TTN: variants seen among roughly 807,000 people sequenced by gnomAD.
TTN encodes the protein titin.
In TTN, 1,525 loss-of-function variants were observed where a neutral mutation model predicts 3,223.0. That is an observed-to-expected ratio of 0.47 (90% confidence interval 0.45 to 0.49). The LOEUF is 0.49. Ranked by LOEUF, TTN falls within the 20% of genes least tolerant of loss-of-function variation. The pLI is 0.00. For missense variants in TTN, 40,786 were observed against 43,424.0 expected, an observed-to-expected ratio of 0.94 and a Z score of 5.40; for synonymous variants, 14,094 against 15,161.0, an observed-to-expected ratio of 0.93 and a Z score of 5.17.
rs998020901 is a variant in TTN, at chr2:178,591,420, A to G, written c.60305T>C (p.Ile20102Thr). ...TGCAGTAGGAACAGGCACACCTCTTATAATAGCAGGGAATCTGACTGTGGT... is the reference window on the plus strand; with the variant it reads ...TGCAGTAGGAACAGGCACACCTCTTGTAATAGCAGGGAATCTGACTGTGGT... The part of the protein sequence containing the change: ...AGTTVRFPAI[I>T]RGVPVPTAKW... Residue 20102 changes from isoleucine to threonine, a missense_variant, in exon 304 of 363, where the codon ATA becomes ACA. By Grantham distance (89) the Ile-to-Thr change is moderately conservative (BLOSUM62 -1). Coordinates refer to ENST00000589042, the MANE Select transcript of TTN (RefSeq NM_001267550.2). 1 of 1,608,580 alleles carries G rather than the reference A, an allele frequency of 6.2e-7. No individual in the cohort carries two copies. The highest frequency in any genetic ancestry group is 8.5e-7 in the Non-Finnish European group (1 of 1,177,462).
chr2:178,570,604 A>G lies in TTN; in HGVS notation c.75528T>C (p.Arg25176=). The change falls in exon 326 of 363, where the codon CGT becomes CGC. Residue 25176 remains arginine, a synonymous_variant. Coordinates refer to ENST00000589042, the MANE Select transcript of TTN (RefSeq NM_001267550.2). ...ATSLSVKDAV[R]VDSGNYILKA... is the part of the protein sequence containing the mutation. ...TCAGTATGTAATTTCCACTGTCGAC[A>G]CGTACTGCATCTTTTACACTGAGAC... The G allele has an allele frequency of 6.8e-6, 11 of 1,613,462 alleles. No individual in the cohort carries two copies. The highest frequency in any genetic ancestry group is 8.5e-6 in the Non-Finnish European group (10 of 1,179,618).
rs145423907 is a variant in TTN at position 178,590,999 on chromosome 2, A to G, written c.60726T>C (p.Tyr20242=). Residue 20242 remains tyrosine (Y), a synonymous_variant, in exon 304 of 363, where the codon TAT becomes TAC. Coordinates refer to ENST00000589042, the MANE Select transcript of TTN (RefSeq NM_001267550.2). ...KIPHLQKGCE[Y]VFRVRAENKI... is the part of the protein sequence containing the mutation. The stretch of plus-strand genomic sequence containing the variant: ...TATTCTCTGCTCTAACTCGGAAAAC[A>G]TATTCACAGCCCTTCTGCAGATGTG... 2 of 1,613,506 alleles carry G rather than the reference A, an allele frequency of 1.2e-6. No homozygotes were observed.
rs142951505 is a variant in TTN, at chr2:178,782,806, C to T, written c.3100G>A (p.Val1034Met). Reference protein sequence around the residue: ...VSTSCYLAVQVSEEFEKETTA... With the variant: ...VSTSCYLAVQMSEEFEKETTA... ...GGACTGTGGGAGGGTGGCCACTAAC[C>T]CTGCACAGCCAGATAGCAGGATGTG... The change falls in exon 18 of 363, where the codon GTG becomes ATG. Residue 1034 changes from valine to methionine, a missense_variant and splice_region_variant. Transcript: ENST00000589042. 1,541 of 1,612,670 alleles carry T rather than the reference C, an allele frequency of 9.6e-4. 1 individual carries two copies. The highest frequency in any genetic ancestry group is 1.1e-3 in the Non-Finnish European group (1,259 of 1,179,826).
Position 178,619,679 on chromosome 2 carries a change from C to G in TTN, c.46638G>C (p.Gln15546His). 6.2e-7 allele frequency: 1 copy of G among 1,612,252 alleles called. No individual in the cohort carries two copies. Among genetic ancestry groups the G allele is most frequent in the South Asian group, 1.1e-5 (1 of 91,016 alleles). The part of the protein sequence containing the change: ...LQICDIKPRD[Q>H]GEYRFIAKDK... ...CTTTGGCAATAAATCTGTATTCACC[C>G]TGGTCACGGGGCTTAATATCACAAA... Residue 15546 changes from glutamine to histidine, a missense_variant, in exon 250 of 363, where the codon CAG (glutamine) becomes CAC (histidine). Gln to His is a conservative substitution (Grantham distance 24). Transcript: ENST00000589042.
chr2:178,566,796 G>T lies in TTN; in HGVS notation c.79336C>A (p.Leu26446Ile). The stretch of plus-strand genomic sequence containing the variant: ...TCTTCTGTTAATCCTGTCACTCTTA[G>T]ACGCAAATCTGTAATGCGGCGTTTA... The part of the protein sequence containing the change: ...CNKRRITDLR[L>I]RVTGLTEDHE... Residue 26446 changes from leucine to isoleucine, a missense_variant, in exon 326 of 363, where the codon CTA (leucine) becomes ATA (isoleucine). By Grantham distance (5) the Leu-to-Ile change is conservative (BLOSUM62 2). Transcript: ENST00000589042. 6.2e-7 allele frequency: 1 copy of T among 1,613,312 alleles called. No homozygotes were observed. The highest frequency in any genetic ancestry group is 1.1e-5 in the South Asian group (1 of 91,070).
In TTN at chr2:178,625,306, CTT is replaced by C; in HGVS notation, c.44513_44514del (p.Lys14838ArgfsTer16). The C allele has an allele frequency of 6.2e-7, 1 of 1,607,792 alleles. No homozygotes were observed. Among genetic ancestry groups the C allele is most frequent in the African/African-American group, 1.3e-5 (1 of 74,562 alleles). On this transcript the variant is annotated frameshift_variant, in exon 241 of 363. Transcript: ENST00000589042. LOFTEE classifies it high-confidence loss of function. Reference protein sequence around the residue: ...EDAGEVQLTAKDFKTHANLFV... With the variant: ...EDAGEVQLTAXDFKTHANLFV... ...AAGAGGTTGGCGTGAGTTTTGAAAT[CTT>C]TTGCTGTTAGTTGGACTTCCCCAGC...
chr2:178,559,927 G>C lies in TTN; in HGVS notation c.86205C>G (p.Asp28735Glu). Reference protein sequence around the residue: ...VKSVNKVGASDPSDSSDPQIA... With the variant: ...VKSVNKVGASEPSDSSDPQIA... ...TCTGAGGGTCAGAGCTATCACTGGGGTCACTAGCACCAACCTTATTGACAG... is the reference window on the plus strand; with the variant it reads ...TCTGAGGGTCAGAGCTATCACTGGGCTCACTAGCACCAACCTTATTGACAG... The change falls in exon 326 of 363, where the codon GAC becomes GAG. Residue 28735 changes from aspartate (D) to glutamate (E), a missense_variant. Transcript: ENST00000589042. The C allele has an allele frequency of 6.2e-7, 1 of 1,613,652 alleles. No individual in the cohort carries two copies. The highest frequency in any genetic ancestry group is 8.5e-7 in the Non-Finnish European group (1 of 1,179,756).
intron 127 of TTN, among the ~76,000 whole-genome samples, chr2:178,686,721 A>G (rs1454923501): frequency 6.6e-6 from 1 of 152,176 alleles, no homozygotes; most frequent in Non-Finnish European, 1.5e-5. Context: ...GGTCAAAGTT[A>G]AATAAGGAAT....
rs1304051107 is a variant in TTN, at chr2:178,609,559, C to T, written c.51751G>A (p.Val17251Ile). The T allele has an allele frequency of 1.9e-6, 3 of 1,607,030 alleles. No individual in the cohort carries two copies. Among genetic ancestry groups the T allele is most frequent in the Admixed American group, 3.4e-5 (2 of 59,580 alleles). ...ACTTCTAGGCTTGTTCTCAGAATGA[C>T]TTTGGGGGCATCTATAGTGATCATA... ...KAVDPIDAPK[V>I]ILRTSLEVKR... The change falls in exon 273 of 363, where the codon GTC (valine) becomes ATC (isoleucine). Residue 17251 changes from valine (V) to isoleucine (I), a missense_variant. Transcript: ENST00000589042.
At chr2:178,542,206 T>G in intron 349 of TTN, 58 bp downstream of exon 349, 1 of 1,495,496 alleles carries the variant, frequency 6.7e-7, no homozygotes, top group Non-Finnish European at 9.0e-7. Flanking sequence ...ACAAATTCTT[T>G]TTTGTTAACA....
chr2:178,772,241 A>C (rs953235862), intron 33 of TTN, among the ~76,000 whole-genome samples: 4 of 152,190 alleles, frequency 2.6e-5, no homozygotes, highest in African/African-American at 9.7e-5. Context: ...TTGTTTTACA[A>C]GTCTTTTCAT....
At position 178,551,146 on chromosome 2, in the gene TTN, C is replaced by T. The variant is rs794729529; in HGVS notation, c.91385G>A (p.Arg30462Gln). 2.9e-5 allele frequency: 46 copies of T among 1,613,346 alleles called. No individual in the cohort carries two copies. The highest frequency in any genetic ancestry group is 3.4e-5 in the Non-Finnish European group (40 of 1,179,644). ...TCTCACCCAGCGTTCATTTCCTTGC[C>T]GTTTCTCAATGCTATAGCCCACAAT... ...SKIVGYSIEK[R>Q]QGNERWVRCN... is the part of the protein sequence containing the mutation. Residue 30462 changes from arginine to glutamine, a missense_variant, in exon 336 of 363, where the codon CGG becomes CAG. Coordinates refer to ENST00000589042, the MANE Select transcript of TTN (RefSeq NM_001267550.2).
At chr2:178,769,343 T>C (rs546248384) in intron 37 of TTN, among the ~76,000 whole-genome samples, 13 of 152,146 alleles carry the variant, frequency 8.5e-5, no homozygotes, top group African/African-American at 2.6e-4. Context: ...AGCCTTGGCC[T>C]TCTGGGCCCA....
Position 178,533,137 on chromosome 2 carries a change from A to G in TTN, c.103478T>C (p.Val34493Ala), listed in dbSNP as rs1553491321. 1 of 1,613,952 alleles carries G rather than the reference A, an allele frequency of 6.2e-7. No individual in the cohort carries two copies. Among genetic ancestry groups the G allele is most frequent in the Non-Finnish European group, 8.5e-7 (1 of 1,179,858 alleles). ...CTCTTTAGCTACCTGTGTCAGTGGTACACTTTCAGTTCCAGAAAGAATTTC... is the reference window on the plus strand; with the variant it reads ...CTCTTTAGCTACCTGTGTCAGTGGTGCACTTTCAGTTCCAGAAAGAATTTC... Reference protein sequence around the residue: ...MAEILSGTESVPLTQVAKEAL... With the variant: ...MAEILSGTESAPLTQVAKEAL... The change falls in exon 358 of 363, where the codon GTA becomes GCA. Residue 34493 changes from valine to alanine, a missense_variant. Transcript: ENST00000589042.
At chr2:178,600,589 T>C in intron 288 of TTN, 1 of 471,454 alleles carries the variant, frequency 2.1e-6, no homozygotes, top group South Asian at 2.6e-5. Flanking sequence ...TAGCCTCTGA[T>C]AAATAAAACA....
At chr2:178,672,763 A>G in intron 152 of TTN, 60 bp from the exon 153 acceptor site, 1 of 1,391,634 alleles carries the variant, frequency 7.2e-7, no homozygotes, top group Non-Finnish European at 9.8e-7. Flanking sequence ...CATGAAATAA[A>G]AACACCAGAG....
rs754944741 is a variant in TTN at position 178,588,040 on chromosome 2, C to T, written c.63367G>A (p.Ala21123Thr). The T allele has an allele frequency of 6.2e-7, 1 of 1,613,016 alleles. No individual in the cohort carries two copies. The highest frequency in any genetic ancestry group is 1.1e-5 in the South Asian group (1 of 91,048). ...DEGWKRCNAA[A>T]QLVRKEFTVT... Reference sequence around the variant, plus strand: ...GTGAATTCCTTGCGTACAAGCTGTGCTGCAGCATTACACCGTTTCCAGCCT... The same window carrying T: ...GTGAATTCCTTGCGTACAAGCTGTGTTGCAGCATTACACCGTTTCCAGCCT... The change falls in exon 305 of 363, where the codon GCA becomes ACA. Residue 21123 changes from alanine to threonine, a missense_variant. Ala to Thr is a moderately conservative substitution (Grantham distance 58). Coordinates refer to ENST00000589042, the MANE Select transcript of TTN (RefSeq NM_001267550.2).
chr2:178,678,608 A>G, intron 143 of TTN, 111 bp from the exon 144 acceptor site: 1 of 1,143,866 alleles, frequency 8.7e-7, no homozygotes, highest in Admixed American at 3.1e-5. Flanking sequence ...AGGTATTCCA[A>G]GAAGCATTTT....
chr2:178,800,569 A>G lies in TTN; in HGVS notation c.409T>C (p.Phe137Leu). Residue 137 changes from phenylalanine (F) to leucine (L), a missense_variant, in exon 4 of 363, where the codon TTC (phenylalanine) becomes CTC (leucine). Physicochemically the swap from Phe to Leu is conservative, Grantham distance 22. Coordinates refer to ENST00000589042, the MANE Select transcript of TTN (RefSeq NM_001267550.2). Reference sequence around the variant, plus strand: ...TGGATTTCGGCTCCATCCCGGTAGAACTTCACCACAGGTGTAGGGATTCCA... The same window carrying G: ...TGGATTTCGGCTCCATCCCGGTAGAGCTTCACCACAGGTGTAGGGATTCCA... The part of the protein sequence containing the change: ...VTGIPTPVVK[F>L]YRDGAEIQSS... The G allele has an allele frequency of 6.2e-7, 1 of 1,614,104 alleles. No individual in the cohort carries two copies.
Sources: allele counts gnomAD v4.1 joint callset (sites outside exome capture counted in the v4.1 genomes callset), GRCh38; gene constraint gnomAD v4.1.1; transcripts MANE v1.5; gene names NCBI Gene and HGNC (gene_info 2026-07-23, HGNC 2026-07-21).